KLRK1: variants seen among roughly 807,000 people sequenced by gnomAD.
The protein encoded by KLRK1 is killer cell lectin like receptor K1.
Under a neutral mutation model 31.3 loss-of-function variants are expected in KLRK1, and 40 were observed. The observed-to-expected ratio is 1.28, with a 90% CI of 0.99 to 1.67. The LOEUF is 1.67. Ranked by LOEUF, KLRK1 falls within the 40% of genes most tolerant of loss-of-function variation. The probability of loss-of-function intolerance (pLI) is 0.00; values close to 1 mark genes in which losing one functional copy is unlikely to be tolerated. For missense variants in KLRK1, 251 were observed against 260.0 expected (o/e 0.97, Z 0.24); for synonymous variants, 77 against 77.3 (o/e 1.00, Z 0.02).
Position 10,372,563 on chromosome 12 carries a change from TTA to T in KLRK1, c.*549_*550del, listed in dbSNP as rs773025484. On this transcript the variant is annotated 3_prime_UTR_variant, in exon 8 of 8. Coordinates refer to ENST00000240618, the MANE Select transcript of KLRK1 (RefSeq NM_007360.4). ...ATAGCAAAGGAAACGTCCTAAGATC[TTA>T]CTTAAGGCTGGAGAATAATGCCTTT... 1.7e-3 allele frequency: 34 copies of T among 20,580 alleles called. No homozygotes were observed. In the South Asian group the frequency reaches 0.12, roughly 75 times the overall value. The allele number at this position is 20,580 out of a possible 1,614,324, so 1.3% of individuals were successfully genotyped here.
intron 7 of KLRK1, among the ~76,000 whole-genome samples, chr12:10,374,994 GA>G (rs1340795673): frequency 6.6e-6 from 1 of 151,938 alleles, no homozygotes; most frequent in Non-Finnish European, 1.5e-5. Flanking sequence ...AAAATATTGA[GA>G]AACTATGATA....
intron 2 of KLRK1, 89 bp downstream of exon 2, chr12:10,388,682 T>C (rs1344412168): frequency 1.4e-6 from 2 of 1,460,202 alleles, no homozygotes; most frequent in Non-Finnish European, 1.9e-6. Flanking sequence ...AGTAAATTGC[T>C]TGCCTATGCC....
chr12:10,383,990 A>T (rs1481356089), intron 3 of KLRK1, among the ~76,000 whole-genome samples: 1 of 152,088 alleles, frequency 6.6e-6, no homozygotes, highest in Non-Finnish European at 1.5e-5. Context: ...AAAGAAATCA[A>T]GAAGTCAATT....
intron 2 of KLRK1, among the ~76,000 whole-genome samples, chr12:10,387,258 T>G (rs1863183628): frequency 6.6e-6 from 1 of 152,184 alleles, no homozygotes; most frequent in Admixed American, 6.5e-5. Flanking sequence ...TAAAATTAGT[T>G]AATTCGTAAT....
intron 3 of KLRK1, among the ~76,000 whole-genome samples, chr12:10,382,945 T>G (rs1863102860): frequency 6.6e-6 from 1 of 152,026 alleles, no homozygotes; most frequent in Non-Finnish European, 1.5e-5. Flanking sequence ...TATAAAATAA[T>G]TGCTATAAGC....
chr12:10,377,437 T>A (rs1446277155), intron 7 of KLRK1, among the ~76,000 whole-genome samples: 1 of 152,174 alleles, frequency 6.6e-6, no homozygotes, highest in East Asian at 1.9e-4. Context: ...CATCAATAAA[T>A]GAAGAGATAA....
Position 10,378,679 on chromosome 12 carries a change from T to A in KLRK1, c.304A>T (p.Asn102Tyr), listed in dbSNP as rs996120420. Residue 102 changes from asparagine (N) to tyrosine (Y), a missense_variant, in exon 6 of 8, where the codon AAC (asparagine) becomes TAC (tyrosine). Physicochemically the swap from Asn to Tyr is moderately radical, Grantham distance 143 (BLOSUM62 -2). Transcript: ENST00000240618. ...TESYCGPCPK[N>Y]WICYKNNCYQ... ...CAGTTATTTTTGTAACATATCCAGT[T>A]TTTAGGACATGGGCCACAGTAACTT... The A allele has an allele frequency of 6.2e-7, 1 of 1,607,648 alleles. No individual in the cohort carries two copies. Among genetic ancestry groups the A allele is most frequent in the African/African-American group, 1.3e-5 (1 of 74,240 alleles).
Position 10,379,807 on chromosome 12 carries a change from A to C in KLRK1, c.149-15T>G. The C allele has an allele frequency of 6.2e-7, 1 of 1,608,820 alleles. No homozygotes were observed. On this transcript the variant is annotated splice_polypyrimidine_tract_variant and intron_variant, in intron 3 of 7. Transcript: ENST00000240618. ...AAATGGAGATGCTGTCAAAGAAAAA[A>C]GACACAGATCAGAGAAAGAAGCATA...
rs761343101 is a variant in KLRK1 at position 10,378,137 on chromosome 12, G to A, written c.528C>T (p.Pro176=). The change falls in exon 7 of 8, where the codon CCC becomes CCT. Residue 176 remains proline (P), a synonymous_variant. Coordinates refer to ENST00000240618, the MANE Select transcript of KLRK1 (RefSeq NM_007360.4). ...WQWEDGSILS[P]NLLTIIEMQK... Reference sequence around the variant, plus strand: ...TCATTGGGTCAGAGACTTACAGGTTGGGTGAGAGAATGGAGCCATCTTCCC... The same window carrying A: ...TCATTGGGTCAGAGACTTACAGGTTAGGTGAGAGAATGGAGCCATCTTCCC... 12 of 1,613,806 alleles carry A rather than the reference G, an allele frequency of 7.4e-6. No individual in the cohort carries two copies. Among genetic ancestry groups the A allele is most frequent in the Middle Eastern group, 1.6e-4 (1 of 6,082 alleles).
intron 7 of KLRK1, among the ~76,000 whole-genome samples, chr12:10,373,804 A>C (rs1481037199): frequency 6.6e-6 from 1 of 152,232 alleles, no homozygotes; most frequent in Non-Finnish European, 1.5e-5. Context: ...TTATATGATT[A>C]ATAATGATAC....
At chr12:10,377,981 T>G (rs1478519337) in intron 7 of KLRK1, 151 bp downstream of exon 7, 2 of 719,780 alleles carry the variant, frequency 2.8e-6, no homozygotes. Context: ...TAATACAACT[T>G]TCTCCCAAAT....
At chr12:10,377,694 A>G (rs950875065) in intron 7 of KLRK1, among the ~76,000 whole-genome samples, 1 of 152,228 alleles carries the variant, frequency 6.6e-6, no homozygotes, top group Non-Finnish European at 1.5e-5. Flanking sequence ...GGTAATTTAT[A>G]TGTTAACTAT....
chr12:10,379,890 T>C (rs1288092804), intron 3 of KLRK1, 98 bp from the exon 4 acceptor site: 43 of 1,116,230 alleles, frequency 3.9e-5, no homozygotes, highest in Middle Eastern at 6.0e-4. Context: ...AATGAGAAGG[T>C]GGTATTGATC....
intron 7 of KLRK1, among the ~76,000 whole-genome samples, chr12:10,374,646 T>C (rs1275882418): frequency 1.3e-5 from 2 of 152,196 alleles, no homozygotes; most frequent in Non-Finnish European, 2.9e-5. Context: ...CCCAAAGTGC[T>C]GGGATCACAG....
Position 10,378,208 on chromosome 12 carries a change from GATA to G in KLRK1, c.454_456del (p.Tyr152del). On this transcript the variant is annotated inframe_deletion, in exon 7 of 8. Coordinates refer to ENST00000240618, the MANE Select transcript of KLRK1 (RefSeq NM_007360.4). The stretch of plus-strand genomic sequence containing the variant: ...GGAATGTGTACTAGTCCCATCCAAT[GATA>G]TGACTTCACCAGTTTAAGTAAATCC... The G allele has an allele frequency of 6.2e-7, 1 of 1,613,904 alleles. No individual in the cohort carries two copies. The highest frequency in any genetic ancestry group is 8.5e-7 in the Non-Finnish European group (1 of 1,179,932).
At chr12:10,380,401 A>G (rs1246709096) in intron 3 of KLRK1, among the ~76,000 whole-genome samples, 1 of 152,180 alleles carries the variant, frequency 6.6e-6, no homozygotes, top group African/African-American at 2.4e-5. Flanking sequence ...AATAATAAAC[A>G]TAAAGAAGGA....
chr12:10,380,939 G>T (rs1458838919), intron 3 of KLRK1, among the ~76,000 whole-genome samples: 5 of 152,062 alleles, frequency 3.3e-5, no homozygotes, highest in South Asian at 4.1e-4. Context: ...GGGCCCAATA[G>T]CTTATGCATC....
intron 7 of KLRK1, among the ~76,000 whole-genome samples, chr12:10,376,105 G>A (rs1862960091): frequency 6.6e-6 from 1 of 152,198 alleles, no homozygotes; most frequent in Admixed American, 6.5e-5. Context: ...AGAAAGAACT[G>A]TCTGAAAAGA....
chr12:10,373,627 C>G (rs1350502341), intron 7 of KLRK1, among the ~76,000 whole-genome samples: 1 of 152,096 alleles, frequency 6.6e-6, no homozygotes, highest in East Asian at 1.9e-4. Flanking sequence ...TGCAATTTTA[C>G]TTGGTAAGGA....
Sources: gnomAD v4.1 joint callset for allele counts (sites outside exome capture counted in the v4.1 genomes callset) on GRCh38, gnomAD v4.1.1 for gene constraint, MANE v1.5 for transcripts, NCBI Gene and HGNC (gene_info 2026-07-23, HGNC 2026-07-21) for gene names.